Variants in RYR2 observed in about 807,000 individuals in gnomAD.
The protein encoded by RYR2 is ryanodine receptor 2.
In RYR2, 227 loss-of-function variants were observed where a neutral mutation model predicts 601.1. The observed-to-expected ratio is 0.38, with a 90% CI of 0.34 to 0.42. The LOEUF (loss-of-function observed/expected upper bound fraction) is 0.42. RYR2 is among the 10% of genes least tolerant of loss of function. The pLI, the probability that RYR2 is intolerant of heterozygous loss-of-function variation, is 1.00. For synonymous variants in RYR2, 2,223 were observed against 2,175.1 expected (o/e 1.02, Z -0.61); for missense variants, 4,646 against 6,156.5 (o/e 0.75, Z 8.21).
chr1:237,496,738 T>G lies in RYR2; in HGVS notation c.2189T>G (p.Leu730Arg). 1 of 1,613,690 alleles carries G rather than the reference T, an allele frequency of 6.2e-7. No individual in the cohort carries two copies. Among genetic ancestry groups the G allele is most frequent in the Non-Finnish European group, 8.5e-7 (1 of 1,179,678 alleles). ...DDLFSYGFDG[L>R]HLWSGCIART... is the part of the protein sequence containing the mutation. ...CTCTTCTCCTATGGATTTGATGGCCTTCATCTCTGGTCAGGTACGTACTAT... is the reference window on the plus strand; with the variant it reads ...CTCTTCTCCTATGGATTTGATGGCCGTCATCTCTGGTCAGGTACGTACTAT... Residue 730 changes from leucine to arginine, a missense_variant, in exon 20 of 105, where the codon CTT becomes CGT. Physicochemically the swap from Leu to Arg is moderately radical, Grantham distance 102 (BLOSUM62 -2). Transcript: ENST00000366574.
chr1:237,803,949 A>G (rs2790349), intron 98 of RYR2, among the ~76,000 whole-genome samples: 38,065 of 151,950 alleles, frequency 0.25, 5,077 homozygotes, highest in East Asian at 0.5. Flanking sequence ...GCCACTTACA[A>G]TGATTTTAGA....
chr1:237,687,363 C>CTTTTTTTTTTTTTTTTTTTTTTTTTTTTT, intron 62 of RYR2, 92 bp from the exon 63 acceptor site: 2 of 452,442 alleles, frequency 4.4e-6, no homozygotes, highest in Non-Finnish European at 3.5e-6. Context: ...CTTTTTTCTT[C>CTTTTTTTTTTTTTTTTTTTTTTTTTTTTT]TTCTTTTTTT....
intron 84 of RYR2, 58 bp downstream of exon 84, chr1:237,761,086 C>T: frequency 1.1e-6 from 1 of 909,138 alleles, no homozygotes. Context: ...TGAAACGAGT[C>T]AATTATCAAT....
intron 24 of RYR2, among the ~76,000 whole-genome samples, chr1:237,521,888 CAG>C (rs1667122700): frequency 6.6e-6 from 1 of 152,094 alleles, no homozygotes; most frequent in Non-Finnish European, 1.5e-5. Flanking sequence ...CTCTTGCTTG[CAG>C]TCACACTGAC....
chr1:237,545,398 A>G (rs1191748737), intron 25 of RYR2, among the ~76,000 whole-genome samples: 2 of 152,210 alleles, frequency 1.3e-5, no homozygotes, highest in Non-Finnish European at 2.9e-5. Context: ...TCCAGAAAGT[A>G]TCACTCCTCT....
At chr1:237,827,108 T>C (rs555528780) in intron 101 of RYR2, among the ~76,000 whole-genome samples, 1 of 152,316 alleles carries the variant, frequency 6.6e-6, no homozygotes, top group African/African-American at 2.4e-5. Flanking sequence ...CAAATGACAC[T>C]ATTTTTTAGT....
intron 1 of RYR2, among the ~76,000 whole-genome samples, chr1:237,072,075 A>G (rs1664419657): frequency 6.6e-6 from 1 of 152,196 alleles, no homozygotes; most frequent in Non-Finnish European, 1.5e-5. Context: ...GAGCACATGG[A>G]TGCCCAGGTC....
At chr1:237,721,816 G>A (rs979842369) in intron 73 of RYR2, among the ~76,000 whole-genome samples, 7 of 152,164 alleles carry the variant, frequency 4.6e-5, no homozygotes, top group South Asian at 4.1e-4. Flanking sequence ...CACCGTGCCC[G>A]GCTGCTTTGT....
intron 28 of RYR2, 87 bp downstream of exon 28, chr1:237,566,862 A>G: frequency 7.4e-7 from 1 of 1,348,520 alleles, no homozygotes; most frequent in Non-Finnish European, 1.1e-6. Context: ...TCACAGTACC[A>G]GTGTTTCCCA....
chr1:237,328,160 C>T (rs914568699), intron 2 of RYR2, among the ~76,000 whole-genome samples: 2 of 152,058 alleles, frequency 1.3e-5, no homozygotes, highest in Non-Finnish European at 1.5e-5. Flanking sequence ...CATTTTTTTT[C>T]AAGTCAGTTC....
intron 62 of RYR2, among the ~76,000 whole-genome samples, chr1:237,684,850 T>A (rs1325108581): frequency 6.6e-6 from 1 of 151,086 alleles, no homozygotes. Flanking sequence ...AGGCAAAAGG[T>A]TTTGAATACC....
At position 237,424,160 on chromosome 1, in the gene RYR2, C is replaced by G. The variant is rs562907331; in HGVS notation, c.1005+912C>G. ...AATTGAGATGAGATTTGGGTGGGGACACAGAGCCAAACCATATCAATTGCA... is the reference window on the plus strand; with the variant it reads ...AATTGAGATGAGATTTGGGTGGGGAGACAGAGCCAAACCATATCAATTGCA... On this transcript the variant is annotated intron_variant, in intron 12 of 104. Transcript: ENST00000366574. 2.6e-5 allele frequency among the ~76,000 whole-genome samples: 4 copies of G among 152,054 alleles called. No homozygotes were observed. The East Asian group carries it at 7.7e-4, about 29-fold the overall frequency.
At chr1:237,310,415 G>A (rs185887403) in intron 2 of RYR2, among the ~76,000 whole-genome samples, 1 of 152,324 alleles carries the variant, frequency 6.6e-6, no homozygotes, top group Admixed American at 6.5e-5. Flanking sequence ...TAAGCAGATA[G>A]CTACAGATAA....
intron 3 of RYR2, among the ~76,000 whole-genome samples, chr1:237,350,101 T>A (rs1173500936): frequency 6.6e-6 from 1 of 152,176 alleles, no homozygotes; most frequent in Non-Finnish European, 1.5e-5. Context: ...AACTAAATGT[T>A]AATTGACTAA....
intron 27 of RYR2, among the ~76,000 whole-genome samples, chr1:237,560,591 C>T (rs1362481686): frequency 6.6e-6 from 1 of 152,212 alleles, no homozygotes; most frequent in Non-Finnish European, 1.5e-5. Flanking sequence ...CAAATTAAAA[C>T]ATCACTAGTT....
At chr1:237,285,164 GTT>G (rs1187499226) in intron 2 of RYR2, among the ~76,000 whole-genome samples, 10 of 152,080 alleles carry the variant, frequency 6.6e-5, no homozygotes, top group African/African-American at 2.4e-4. Flanking sequence ...TTGGCTGAGG[GTT>G]TGTCTTAGAT....
At chr1:237,578,967 T>C (rs887997329) in intron 29 of RYR2, among the ~76,000 whole-genome samples, 1 of 152,124 alleles carries the variant, frequency 6.6e-6, no homozygotes. Context: ...TGTTCTTTTG[T>C]ACCATTAGAA....
chr1:237,594,608 T>C (rs751784724), intron 33 of RYR2, among the ~76,000 whole-genome samples: 2 of 152,060 alleles, frequency 1.3e-5, no homozygotes, highest in Non-Finnish European at 2.9e-5. Context: ...TTGGAGGAAA[T>C]GGAAGATAGG....
rs189259404 is a variant in RYR2, at chr1:237,318,216, A to G, written c.169-12662A>G. Reference sequence around the variant, plus strand: ...AGAATAATACTCATTTAATTCCAGTAAAAGATAGAAAACCTGCTCCAACAT... The same window carrying G: ...AGAATAATACTCATTTAATTCCAGTGAAAGATAGAAAACCTGCTCCAACAT... On this transcript the variant is annotated intron_variant, in intron 2 of 104. Coordinates refer to ENST00000366574, the MANE Select transcript of RYR2 (RefSeq NM_001035.3). Among the ~76,000 whole-genome samples, 226 of 152,218 alleles carry G rather than the reference A, an allele frequency of 1.5e-3. 4 individuals carry two copies. The highest frequency in any genetic ancestry group is 5.2e-3 in the African/African-American group (217 of 41,576).
Sources: allele counts gnomAD v4.1 joint callset (sites outside exome capture counted in the v4.1 genomes callset), GRCh38; gene constraint gnomAD v4.1.1; transcripts MANE v1.5; gene names NCBI Gene and HGNC (gene_info 2026-07-23, HGNC 2026-07-21).